The following PRKCH variants were observed in gnomAD, a reference collection of about 807,000 sequenced individuals.
The protein encoded by PRKCH is protein kinase C eta, also known as protein kinase C eta type.
A neutral mutation model predicts 82.5 loss-of-function variants in PRKCH; 28 were observed. The ratio of observed to expected loss-of-function variants is 0.34; its 90% confidence interval spans 0.25 to 0.47. PRKCH has a LOEUF of 0.47. Ranked by LOEUF, PRKCH falls within the 20% of genes least tolerant of loss-of-function variation. The probability of loss-of-function intolerance (pLI) is 1.00; values close to 1 mark genes in which losing one functional copy is unlikely to be tolerated. For missense variants in PRKCH, 705 were observed against 881.8 expected (o/e 0.80, Z 2.54); for synonymous variants, 322 against 327.4 (o/e 0.98, Z 0.18).
rs80049780 is a variant in PRKCH, at chr14:61,477,457, C to T, written c.1279-8045C>T. Reference sequence around the variant, plus strand: ...TGCAGTCTTTAAATCATAGAGACAACAGATTTTTTCTTTAAATGGAGACAA... The same window carrying T: ...TGCAGTCTTTAAATCATAGAGACAATAGATTTTTTCTTTAAATGGAGACAA... On this transcript the variant is annotated intron_variant, in intron 9 of 13. Coordinates refer to ENST00000332981, the MANE Select transcript of PRKCH (RefSeq NM_006255.5). Among the ~76,000 whole-genome samples the T allele has an allele frequency of 0.019, 2,935 of 152,228 alleles. 222 individuals carry two copies. The East Asian group carries it at 0.28, about 14-fold the overall frequency.
intron 1 of PRKCH, among the ~76,000 whole-genome samples, chr14:61,204,339 A>C (rs1472355241): frequency 1.3e-5 from 2 of 152,210 alleles, no homozygotes; most frequent in African/African-American, 2.4e-5. Flanking sequence ...TTTATGTATG[A>C]GGAAATTGAG....
At chr14:61,543,663 T>TAAA (rs2043216150) in intron 12 of PRKCH, 1 of 152,210 alleles carries the variant, frequency 6.6e-6, no homozygotes, top group African/African-American at 2.4e-5. Flanking sequence ...TGAGGCAACT[T>TAAA]TTCAGTGTGA....
chr14:61,321,467 G>A (rs922169490), upstream of PRKCH, among the ~76,000 whole-genome samples: 1 of 152,218 alleles, frequency 6.6e-6, no homozygotes, highest in Non-Finnish European at 1.5e-5. The surrounding 1 kb of genome is among the most constrained non-coding windows in gnomAD (Gnocchi z 4.1). Context: ...GCGCAAGCGG[G>A]CACTGGCCTC....
At chr14:61,388,192 A>G (rs2046619023) in intron 1 of PRKCH, among the ~76,000 whole-genome samples, 1 of 151,724 alleles carries the variant, frequency 6.6e-6, no homozygotes, top group Non-Finnish European at 1.5e-5. Flanking sequence ...ATTGTGTGCA[A>G]CCCACTAAGT....
At chr14:61,214,098 G>A (rs193240065) in intron 1 of PRKCH, among the ~76,000 whole-genome samples, 14 of 152,334 alleles carry the variant, frequency 9.2e-5, no homozygotes, top group African/African-American at 1.2e-4. Context: ...AGCAGCCCAC[G>A]TGAGTCACAC....
intron 1 of PRKCH, among the ~76,000 whole-genome samples, chr14:61,238,145 AT>A (rs2044806732): frequency 6.6e-6 from 1 of 152,212 alleles, no homozygotes; most frequent in Non-Finnish European, 1.5e-5. Flanking sequence ...GACTAAATTA[AT>A]TTAACATCTT....
chr14:61,482,439 G>C (rs1255214321), intron 9 of PRKCH, among the ~76,000 whole-genome samples: 5 of 152,234 alleles, frequency 3.3e-5, no homozygotes, highest in African/African-American at 1.2e-4. Context: ...CAGGTCAACA[G>C]AGGGTTTCCT....
chr14:61,245,525 T>C (rs565351821), intron 1 of PRKCH, among the ~76,000 whole-genome samples: 12 of 152,138 alleles, frequency 7.9e-5, no homozygotes, highest in Non-Finnish European at 1.3e-4. Flanking sequence ...TGGAAACCAA[T>C]GAGAGACAGA....
chr14:61,323,433 A>G (rs1013881471), intron 1 of PRKCH, among the ~76,000 whole-genome samples: 1 of 152,234 alleles, frequency 6.6e-6, no homozygotes, highest in African/African-American at 2.4e-5. Flanking sequence ...CTGGTTTGGC[A>G]AAGTGGAGTA....
intron 1 of PRKCH, among the ~76,000 whole-genome samples, chr14:61,260,047 G>A (rs779042023): frequency 3.9e-5 from 6 of 152,252 alleles, no homozygotes; most frequent in East Asian, 1.9e-4. Context: ...GGAAGTGAAC[G>A]AATTTGGCCT....
intron 1 of PRKCH, among the ~76,000 whole-genome samples, chr14:61,255,982 A>G (rs2044994505): frequency 6.6e-6 from 1 of 152,246 alleles, no homozygotes; most frequent in African/African-American, 2.4e-5. Context: ...ATGTCAGTCT[A>G]CACATGAAAG....
At chr14:61,241,653 T>C (rs2044839040) in intron 1 of PRKCH, among the ~76,000 whole-genome samples, 1 of 152,236 alleles carries the variant, frequency 6.6e-6, no homozygotes, top group Non-Finnish European at 1.5e-5. Context: ...AATCTACTCA[T>C]ATTCCTGATC....
intron 2 of PRKCH, among the ~76,000 whole-genome samples, chr14:61,413,858 C>T (rs1016378835): frequency 5.3e-5 from 8 of 152,174 alleles, no homozygotes; most frequent in Admixed American, 2.0e-4. Context: ...GCTCAAGTAG[C>T]GCTTGATAAG....
At chr14:61,387,027 CCT>C (rs1430109341) in intron 1 of PRKCH, among the ~76,000 whole-genome samples, 1 of 152,174 alleles carries the variant, frequency 6.6e-6, no homozygotes, top group Non-Finnish European at 1.5e-5. Context: ...TCAGCTCTCC[CCT>C]CTTTGTTGGC....
At chr14:61,546,306 G>A (rs1036095310) in intron 12 of PRKCH, among the ~76,000 whole-genome samples, 3 of 152,190 alleles carry the variant, frequency 2.0e-5, no homozygotes, top group Non-Finnish European at 2.9e-5. Flanking sequence ...CTCTGACTGG[G>A]CCTGTGCAGC....
intron 1 of PRKCH, among the ~76,000 whole-genome samples, chr14:61,236,645 T>C (rs2044790337): frequency 7.1e-6 from 1 of 140,894 alleles, no homozygotes; most frequent in Non-Finnish European, 1.5e-5. Flanking sequence ...AGGGGGAGGT[T>C]GCAGCGAGCT....
intron 9 of PRKCH, among the ~76,000 whole-genome samples, chr14:61,475,188 C>CT (rs1240880716): frequency 2.0e-5 from 3 of 152,180 alleles, no homozygotes; most frequent in Non-Finnish European, 4.4e-5. Flanking sequence ...CCTATACAAA[C>CT]TAAGTCCATA....
At chr14:61,237,751 C>T (rs12437406) in intron 1 of PRKCH, among the ~76,000 whole-genome samples, 27,541 of 152,108 alleles carry the variant, frequency 0.18, 2,509 homozygotes, top group East Asian at 0.24. Flanking sequence ...CCAATGTACA[C>T]CTTACATGTA....
intron 1 of PRKCH, among the ~76,000 whole-genome samples, chr14:61,300,496 T>C (rs1480554354): frequency 6.6e-6 from 1 of 152,148 alleles, no homozygotes; most frequent in Non-Finnish European, 1.5e-5. Flanking sequence ...AGAATAACTA[T>C]ATTTAGACCA....
Sources: gnomAD v4.1 joint callset for allele counts (sites outside exome capture counted in the v4.1 genomes callset) on GRCh38, gnomAD v4.1.1 for gene constraint, Gnocchi (gnomAD v3.1) non-coding constraint, MANE v1.5 for transcripts, NCBI Gene and HGNC (gene_info 2026-07-23, HGNC 2026-07-21) for gene names.